INTU: variants seen among roughly 807,000 people sequenced by gnomAD.
INTU encodes inturned planar cell polarity protein.
A neutral mutation model predicts 100.5 loss-of-function variants in INTU; 68 were observed. That is an observed-to-expected ratio of 0.68 (90% CI 0.56 to 0.83). The LOEUF (loss-of-function observed/expected upper bound fraction) is 0.83, where lower values mean the gene tolerates loss of function less well. Ranked by LOEUF, INTU falls within the 40% of genes least tolerant of loss-of-function variation. INTU has a pLI of 0.00. For synonymous variants in INTU, 357 were observed against 395.7 expected (o/e 0.90, Z 1.16); for missense variants, 1,071 against 1,114.7 (o/e 0.96, Z 0.56).
At position 127,717,461 on chromosome 4, in the gene INTU, A is replaced by G. The variant is rs1236715406; in HGVS notation, c.*1025A>G. ...CTTCAATGAACATATGTGTGCATAT[A>G]TATTTGTAATTGAATGATTTATATT... On this transcript the variant is annotated 3_prime_UTR_variant, in exon 16 of 16. Transcript: ENST00000335251. The G allele has an allele frequency of 1.3e-5, 2 of 152,112 alleles. No homozygotes were observed. Among genetic ancestry groups the G allele is most frequent in the Non-Finnish European group, 2.9e-5 (2 of 67,992 alleles). The allele number at this position is 152,112 out of a possible 1,614,324, so 9.4% of individuals were successfully genotyped here. A position where few individuals can be genotyped will look rare whatever the true frequency, so the allele number is the denominator to read the frequency against.
rs766833898 is a variant in INTU at position 127,643,607 on chromosome 4, T to C, written c.233T>C (p.Leu78Pro). The C allele has an allele frequency of 1.2e-6, 2 of 1,613,474 alleles. No individual in the cohort carries two copies. Among genetic ancestry groups the C allele is most frequent in the East Asian group, 4.5e-5 (2 of 44,890 alleles). ...TTGAGTGAGGATGAAGAAGAAAGCCTCCTTCCTGAGACACCAACTGTGAAC... is the reference window on the plus strand; with the variant it reads ...TTGAGTGAGGATGAAGAAGAAAGCCCCCTTCCTGAGACACCAACTGTGAAC... The part of the protein sequence containing the change: ...LELSEDEEES[L>P]LPETPTVNHV... The change falls in exon 2 of 16, where the codon CTC (leucine) becomes CCC (proline). Residue 78 changes from leucine (L) to proline (P), a missense_variant. Transcript: ENST00000335251.
intron 2 of INTU, among the ~76,000 whole-genome samples, chr4:127,650,746 T>C (rs1032768494): frequency 1.3e-5 from 2 of 151,636 alleles, no homozygotes; most frequent in Non-Finnish European, 2.9e-5. Context: ...AGTAATGGGA[T>C]GGCTGGGTCA....
In INTU at chr4:127,716,608, A is replaced by G; in HGVS notation, c.*172A>G. 1 of 368,836 alleles carries G rather than the reference A, an allele frequency of 2.7e-6. No individual in the cohort carries two copies. 22.8% of individuals were successfully genotyped at this position (368,836 alleles called of 1,614,324 possible). A position where few individuals can be genotyped will look rare whatever the true frequency, so the allele number is the denominator to read the frequency against. ...TGTTGGATTTGATACATTAAATCTT[A>G]ATGTAATATTGTAAGACTTTTGAGA... On this transcript the variant is annotated 3_prime_UTR_variant, in exon 16 of 16. Transcript: ENST00000335251.
intron 6 of INTU, among the ~76,000 whole-genome samples, chr4:127,680,183 A>G (rs895418791): frequency 8.6e-5 from 13 of 152,010 alleles, no homozygotes; most frequent in South Asian, 2.1e-4. Flanking sequence ...GTACAAGGAG[A>G]AACTGGTACC....
At chr4:127,640,765 A>G (rs1475653248) in intron 1 of INTU, among the ~76,000 whole-genome samples, 1 of 151,492 alleles carries the variant, frequency 6.6e-6, no homozygotes, top group African/African-American at 2.4e-5. Flanking sequence ...GTGAGAAATT[A>G]TATATGTACT....
At chr4:127,693,515 C>A (rs1030021192) in intron 8 of INTU, among the ~76,000 whole-genome samples, 2 of 152,090 alleles carry the variant, frequency 1.3e-5, no homozygotes, top group Admixed American at 1.3e-4. Flanking sequence ...ATATCATTAG[C>A]AAACAGTGAC....
chr4:127,678,939 CAG>C lies in INTU; in HGVS notation c.1181+4727_1181+4728del, dbSNP rs1359520800. Among the ~76,000 whole-genome samples the C allele has an allele frequency of 1.1e-4, 16 of 151,976 alleles. No individual in the cohort carries two copies. In the East Asian group the frequency reaches 2.3e-3, roughly 22 times the overall value. ...AAGCAAATGGAAAACAAAAAAAAGG[CAG>C]GGGTTGCAATCCTAGTCTCTGATAA... On this transcript the variant is annotated intron_variant, in intron 6 of 15. Coordinates refer to ENST00000335251, the MANE Select transcript of INTU (RefSeq NM_015693.4).
At chr4:127,693,975 G>T (rs778520080) in intron 8 of INTU, among the ~76,000 whole-genome samples, 6 of 152,068 alleles carry the variant, frequency 3.9e-5, no homozygotes, top group Non-Finnish European at 7.4e-5. Context: ...TGGTTCACTA[G>T]TATTTTGTTG....
intron 6 of INTU, among the ~76,000 whole-genome samples, chr4:127,683,556 G>A (rs1296156749): frequency 2.0e-5 from 3 of 152,160 alleles, no homozygotes; most frequent in Non-Finnish European, 4.4e-5. Context: ...GCCATAGACT[G>A]CGTGTTTCCC....
At chr4:127,659,045 G>A (rs1325872791) in intron 3 of INTU, among the ~76,000 whole-genome samples, 1 of 152,148 alleles carries the variant, frequency 6.6e-6, no homozygotes, top group Non-Finnish European at 1.5e-5. Context: ...AACAGGTTTT[G>A]TGTTCCTGGG....
rs1731332730 is a variant in INTU, at chr4:127,720,590, C to T, written c.*4154C>T. The T allele has an allele frequency of 6.6e-6, 1 of 152,108 alleles. No homozygotes were observed. Among genetic ancestry groups the T allele is most frequent in the Admixed American group, 6.5e-5 (1 of 15,268 alleles). 9.4% of individuals were successfully genotyped at this position (152,108 alleles called of 1,614,324 possible). ...TTGACAGTGGGGTGTTAAAGTCTCC[C>T]ACTATTATTGTGTGGAAATCTAAGT... On this transcript the variant is annotated 3_prime_UTR_variant, in exon 16 of 16. Coordinates refer to ENST00000335251, the MANE Select transcript of INTU (RefSeq NM_015693.4).
At chr4:127,655,730 T>C (rs978993007) in intron 2 of INTU, among the ~76,000 whole-genome samples, 2 of 152,206 alleles carry the variant, frequency 1.3e-5, no homozygotes, top group Non-Finnish European at 2.9e-5. Flanking sequence ...GCAGGCCTCC[T>C]TGAGCTGTGG....
intron 8 of INTU, among the ~76,000 whole-genome samples, chr4:127,690,103 A>G (rs1043974480): frequency 3.9e-5 from 6 of 152,212 alleles, no homozygotes; most frequent in Non-Finnish European, 8.8e-5. Context: ...GAATTTAGAT[A>G]CATTAAATAT....
At chr4:127,639,644 A>G (rs919155619) in intron 1 of INTU, among the ~76,000 whole-genome samples, 1 of 152,146 alleles carries the variant, frequency 6.6e-6, no homozygotes, top group Non-Finnish European at 1.5e-5. Flanking sequence ...AAATTGACAC[A>G]TAATAATTAC....
At chr4:127,658,142 A>G (rs1728317177) in intron 3 of INTU, among the ~76,000 whole-genome samples, 1 of 152,242 alleles carries the variant, frequency 6.6e-6, no homozygotes, top group Admixed American at 6.5e-5. Flanking sequence ...TCTGGGAAAC[A>G]AGGTTTCCCT....
chr4:127,646,369 C>T (rs983119026), intron 2 of INTU, among the ~76,000 whole-genome samples: 1 of 152,088 alleles, frequency 6.6e-6, no homozygotes, highest in Non-Finnish European at 1.5e-5. Flanking sequence ...ATTCATTTAA[C>T]GTGCCCCCCT....
In INTU at chr4:127,721,638, C is replaced by G. The variant is rs184164388; in HGVS notation, c.*5202C>G. 1 of 152,244 alleles carries G rather than the reference C, an allele frequency of 6.6e-6. No individual in the cohort carries two copies. The highest frequency in any genetic ancestry group is 1.9e-4 in the East Asian group (1 of 5,188). 9.4% of individuals were successfully genotyped at this position (152,244 alleles called of 1,614,324 possible). Reference sequence around the variant, plus strand: ...GTAGGTTCAGTCTTTTAACATAATCCCATAGTTCTCAGAGGTTTCATTCAT... The same window carrying G: ...GTAGGTTCAGTCTTTTAACATAATCGCATAGTTCTCAGAGGTTTCATTCAT... On this transcript the variant is annotated 3_prime_UTR_variant, in exon 16 of 16. Coordinates refer to ENST00000335251, the MANE Select transcript of INTU (RefSeq NM_015693.4).
At chr4:127,692,165 A>G (rs1730176045) in intron 8 of INTU, among the ~76,000 whole-genome samples, 1 of 151,752 alleles carries the variant, frequency 6.6e-6, no homozygotes, top group South Asian at 2.1e-4. Context: ...TTAGTTAAGG[A>G]ATCTCCACAA....
chr4:127,703,652 G>T (rs1730748477), intron 9 of INTU, among the ~76,000 whole-genome samples: 1 of 151,964 alleles, frequency 6.6e-6, no homozygotes, highest in African/African-American at 2.4e-5. Flanking sequence ...ATATTCTGTG[G>T]TATATCTAGT....
Sources: gnomAD v4.1 joint callset for allele counts (sites outside exome capture counted in the v4.1 genomes callset) on GRCh38, gnomAD v4.1.1 for gene constraint, MANE v1.5 for transcripts, NCBI Gene and HGNC (gene_info 2026-07-23, HGNC 2026-07-21) for gene names.